The following ZNF254 variants were observed in gnomAD, a reference collection of about 807,000 sequenced individuals.
ZNF254 encodes the protein CTD-2017D11.1.
In ZNF254, 10 loss-of-function variants were observed where a neutral mutation model predicts 12.4. The observed-to-expected ratio is 0.80, with a 90% confidence interval of 0.50 to 1.36. ZNF254 has a LOEUF of 1.36. Ranked by LOEUF, ZNF254 falls within the 40% of genes most tolerant of loss-of-function variation. ZNF254 has a pLI of 0.00. For synonymous variants in ZNF254, 305 were observed against 253.4 expected, an observed-to-expected ratio of 1.20 and a Z score of -1.93; for missense variants, 996 against 763.9, an observed-to-expected ratio of 1.30 and a Z score of -3.58.
At chr19:24,055,396 A>G (rs1184654627) in intron 2 of ZNF254, among the ~76,000 whole-genome samples, 1 of 151,538 alleles carries the variant, frequency 6.6e-6, no homozygotes, top group East Asian at 2.0e-4. Flanking sequence ...CTCCTGCCTC[A>G]GCCTCCTGAG....
upstream of ZNF254, among the ~76,000 whole-genome samples, chr19:24,082,191 C>A (rs905824671): frequency 6.6e-6 from 1 of 151,522 alleles, no homozygotes; most frequent in African/African-American, 2.4e-5. Flanking sequence ...TTCTTTATCA[C>A]AAACCCTTGT....
chr19:24,075,562 A>C (rs1028042700), intron 2 of ZNF254, among the ~76,000 whole-genome samples: 1 of 152,192 alleles, frequency 6.6e-6, no homozygotes, highest in African/African-American at 2.4e-5. Context: ...CACAGAGATC[A>C]CATGCTTCAA....
Position 24,127,535 on chromosome 19 carries a change from A to T in ZNF254, c.1535A>T (p.His512Leu). The T allele has an allele frequency of 1.2e-6, 2 of 1,613,572 alleles. No individual in the cohort carries two copies. Among genetic ancestry groups the T allele is most frequent in the African/African-American group, 1.3e-5 (1 of 75,006 alleles). The change falls in exon 4 of 4, where the codon CAT (histidine) becomes CTT (leucine). Residue 512 changes from histidine (H) to leucine (L), a missense_variant. Transcript: ENST00000357002. ...SSTLTTHKII[H>L]TGEKPYKCEE... is the part of the protein sequence containing the mutation. The stretch of plus-strand genomic sequence containing the variant: ...ACCCTTACTACACATAAGATAATTC[A>T]TACTGGAGAGAAACCCTACAAATGT...
At chr19:24,079,388 C>G (rs1358156151) in intron 2 of ZNF254, 1 of 152,228 alleles carries the variant, frequency 6.6e-6, no homozygotes, top group African/African-American at 2.4e-5. Flanking sequence ...TAGTCCCACT[C>G]TGTACCCACC....
chr19:24,037,860 C>T (rs60068057), intron 1 of ZNF254, among the ~76,000 whole-genome samples: 24,695 of 152,196 alleles, frequency 0.16, 2,197 homozygotes, highest in Middle Eastern at 0.23. Context: ...CCACCTGCCT[C>T]GGCCTCCCAG....
At chr19:24,125,028 G>A (rs1170228027) in intron 3 of ZNF254, among the ~76,000 whole-genome samples, 2 of 151,912 alleles carry the variant, frequency 1.3e-5, no homozygotes, top group East Asian at 3.9e-4. Flanking sequence ...CAGGTGATCG[G>A]CCCACCTTGG....
At chr19:24,073,401 CA>C (rs1971549217) in intron 2 of ZNF254, among the ~76,000 whole-genome samples, 1 of 152,174 alleles carries the variant, frequency 6.6e-6, no homozygotes, top group African/African-American at 2.4e-5. Flanking sequence ...CTTAGGTTCA[CA>C]GGTATGATTA....
intron 2 of ZNF254, among the ~76,000 whole-genome samples, chr19:24,049,198 ATATATATATATATATATTTT>A (rs1445311709): frequency 3.3e-5 from 2 of 61,208 alleles, no homozygotes; most frequent in African/African-American, 1.6e-4. Flanking sequence ...ATATATATAT[ATATATATATATATATATTTT>A]TTTTTTTTTT....
chr19:24,061,559 G>T (rs1039383201), intron 2 of ZNF254, among the ~76,000 whole-genome samples: 2 of 152,130 alleles, frequency 1.3e-5, no homozygotes, highest in Non-Finnish European at 2.9e-5. Flanking sequence ...ACATGCCACT[G>T]GTTGAAAACC....
At position 24,129,678 on chromosome 19, in the gene ZNF254, C is replaced by A. The variant is rs1419362855; in HGVS notation, c.*1698C>A. The stretch of plus-strand genomic sequence containing the variant: ...TTAGAGGAAATGAGATATCCATTAC[C>A]TCTAGCATTTATTCTTTTTATTACA... On this transcript the variant is annotated 3_prime_UTR_variant, in exon 4 of 4. Transcript: ENST00000357002. 6.6e-6 allele frequency: 1 copy of A among 151,778 alleles called. No individual in the cohort carries two copies. Among genetic ancestry groups the A allele is most frequent in the South Asian group, 2.1e-4 (1 of 4,826 alleles). The allele number at this position is 151,778 out of a possible 1,614,324, so 9.4% of individuals were successfully genotyped here.
At chr19:24,117,489 C>T (rs1974169307) in intron 3 of ZNF254, among the ~76,000 whole-genome samples, 1 of 152,176 alleles carries the variant, frequency 6.6e-6, no homozygotes, top group South Asian at 2.1e-4. Context: ...GGCGTAGGAC[C>T]CTCCGAGCCA....
At chr19:24,047,596 C>CTTTTTTTTTTTTTTTTTTTTTTTTTT (rs386388790) in intron 2 of ZNF254, among the ~76,000 whole-genome samples, 1 of 107,964 alleles carries the variant, frequency 9.3e-6, no homozygotes, top group African/African-American at 3.7e-5. Context: ...TTCATTCTTC[C>CTTTTTTTTTTTTTTTTTTTTTTTTTT]TTTTTTTTTT....
chr19:24,109,053 A>G (rs112813223), intron 3 of ZNF254, among the ~76,000 whole-genome samples: 45,931 of 152,078 alleles, frequency 0.3, 8,258 homozygotes, highest in African/African-American at 0.51. Context: ...TACTAGGGAG[A>G]CTGAGGCAGG....
chr19:24,082,096 C>T (rs1281942975), intron 2 of ZNF254, among the ~76,000 whole-genome samples: 1 of 151,240 alleles, frequency 6.6e-6, no homozygotes, highest in Non-Finnish European at 1.5e-5. Context: ...GCACTCCAGC[C>T]TGGGCAACAA....
rs1049672817 is a variant in ZNF254 at position 24,129,579 on chromosome 19, A to G, written c.*1599A>G. ...AATTTATTTTTCTTAATTTTTGTGG[A>G]TACATAATATGTGTATATATGTATG... On this transcript the variant is annotated 3_prime_UTR_variant, in exon 4 of 4. Transcript: ENST00000357002. 4.6e-5 allele frequency: 7 copies of G among 151,838 alleles called. No homozygotes were observed. The highest frequency in any genetic ancestry group is 7.4e-5 in the Non-Finnish European group (5 of 67,880). The allele number at this position is 151,838 out of a possible 1,614,324, so 9.4% of individuals were successfully genotyped here.
chr19:24,122,456 C>G (rs374640260), intron 3 of ZNF254, among the ~76,000 whole-genome samples: 259 of 152,192 alleles, frequency 1.7e-3, no homozygotes, highest in African/African-American at 5.4e-3. Flanking sequence ...AACTCCTGAC[C>G]TTAGGTGATC....
intron 1 of ZNF254, among the ~76,000 whole-genome samples, chr19:24,036,303 C>T (rs145159420): frequency 0.017 from 2,551 of 152,108 alleles, 65 homozygotes; most frequent in African/African-American, 0.058. Context: ...GTGATCCACC[C>T]GCCTCGGCCT....
rs554889536 is a variant in ZNF254, at chr19:24,128,834, A to T, written c.*854A>T. The T allele has an allele frequency of 2.0e-5, 3 of 152,072 alleles. No individual in the cohort carries two copies. The highest frequency in any genetic ancestry group is 4.8e-5 in the African/African-American group (2 of 41,458). The allele number at this position is 152,072 out of a possible 1,614,324, so 9.4% of individuals were successfully genotyped here. A position where few individuals can be genotyped will look rare whatever the true frequency, so the allele number is the denominator to read the frequency against. On this transcript the variant is annotated 3_prime_UTR_variant, in exon 4 of 4. Transcript: ENST00000357002. ...CAAACAGATTTGTCTAAACATTTGT[A>T]TATAACTTTAAAAATAGAATATTTT...
intron 3 of ZNF254, among the ~76,000 whole-genome samples, chr19:24,108,744 T>C (rs1973485772): frequency 6.6e-6 from 1 of 152,226 alleles, no homozygotes; most frequent in Non-Finnish European, 1.5e-5. Flanking sequence ...ATATAAATTT[T>C]AACTGTTTTC....
Sources: allele counts gnomAD v4.1 joint callset (sites outside exome capture counted in the v4.1 genomes callset), GRCh38; gene constraint gnomAD v4.1.1; transcripts MANE v1.5; gene names NCBI Gene and HGNC (gene_info 2026-07-23, HGNC 2026-07-21).